Variants in HDAC4 observed in about 807,000 individuals in gnomAD.
HDAC4 encodes histone deacetylase A.
HDAC4 carries 16 observed loss-of-function variants against 135.1 expected under a neutral mutation model. The observed-to-expected ratio is 0.12, with a 90% CI of 0.08 to 0.18. The LOEUF is 0.18. HDAC4 is among the 10% of genes least tolerant of loss of function. The pLI is 1.00. For synonymous variants in HDAC4, 685 were observed against 653.4 expected (o/e 1.05, Z -0.74); for missense variants, 1,143 against 1,511.8 (o/e 0.76, Z 4.05).
At chr2:239,153,001 G>C (rs2042208387) in intron 7 of HDAC4, among the ~76,000 whole-genome samples, 1 of 152,214 alleles carries the variant, frequency 6.6e-6, no homozygotes, top group South Asian at 2.1e-4. Context: ...AGAGGTTCAA[G>C]AGCTTCCCCA....
intron 4 of HDAC4, among the ~76,000 whole-genome samples, chr2:239,179,336 G>A (rs564436195): frequency 6.6e-6 from 1 of 152,178 alleles, no homozygotes; most frequent in African/African-American, 2.4e-5. Flanking sequence ...TTAGGAAATG[G>A]GCCACAAAGC....
intron 24 of HDAC4, among the ~76,000 whole-genome samples, chr2:239,061,797 C>T (rs1366145869): frequency 6.6e-6 from 1 of 152,226 alleles, no homozygotes; most frequent in Non-Finnish European, 1.5e-5. Flanking sequence ...AAACCTTTTC[C>T]ACACGACACC....
chr2:239,151,249 A>G (rs1211356168), intron 7 of HDAC4, among the ~76,000 whole-genome samples: 1 of 152,250 alleles, frequency 6.6e-6, no homozygotes, highest in Admixed American at 6.5e-5. Flanking sequence ...GTGGGACTTG[A>G]CTAATGAAAG....
chr2:239,301,249 C>T (rs1389965273), intron 2 of HDAC4, among the ~76,000 whole-genome samples: 1 of 152,188 alleles, frequency 6.6e-6, no homozygotes, highest in Non-Finnish European at 1.5e-5. Context: ...AGTCGGTCTC[C>T]CATCCCAGCC....
In HDAC4 at chr2:239,368,738, C is replaced by G. The variant is rs372828055; in HGVS notation, c.-219-15820G>C. Among the ~76,000 whole-genome samples the G allele has an allele frequency of 2.6e-5, 4 of 152,266 alleles. No individual in the cohort carries two copies. In the East Asian group the frequency reaches 7.7e-4, roughly 29 times the overall value. ...ACCTGGGCAGGCAGCCCTCCCTGTT[C>G]TGCAGGTGAGGTGCTTATCACTGCT... On this transcript the variant is annotated intron_variant, in intron 1 of 26. Transcript: ENST00000543185.
intron 1 of HDAC4, among the ~76,000 whole-genome samples, chr2:239,369,207 C>T (rs974408181): frequency 1.3e-5 from 2 of 152,228 alleles, no homozygotes; most frequent in Non-Finnish European, 2.9e-5. Flanking sequence ...GACAGCAGCA[C>T]GGCCCATTCC....
chr2:239,052,915 G>A lies in HDAC4; in HGVS notation c.*182C>T, dbSNP rs2031089914. 3 of 691,174 alleles carry A rather than the reference G, an allele frequency of 4.3e-6. No homozygotes were observed. The highest frequency in any genetic ancestry group is 2.7e-5 in the East Asian group (1 of 37,094). The allele number at this position is 691,174 out of a possible 1,614,324, so 42.8% of individuals were successfully genotyped here. ...GAGGCTGCCACGCCCAGGCGTGCAT[G>A]TGCGTCTCGAGACCTGTGGGCCTGG... On this transcript the variant is annotated 3_prime_UTR_variant, in exon 27 of 27. Transcript: ENST00000543185.
At chr2:239,083,204 G>T (rs3791375) in intron 20 of HDAC4, among the ~76,000 whole-genome samples, 3 of 152,112 alleles carry the variant, frequency 2.0e-5, no homozygotes, top group Non-Finnish European at 4.4e-5. Flanking sequence ...CAGGGTCTAC[G>T]CAGCCTGTCT....
At chr2:239,175,573 G>T (rs1229680777) in intron 5 of HDAC4, among the ~76,000 whole-genome samples, 1 of 152,240 alleles carries the variant, frequency 6.6e-6, no homozygotes, top group Admixed American at 6.5e-5. Context: ...GTCTCCAGAT[G>T]TACAAACACA....
chr2:239,373,280 C>T (rs1318546510), intron 1 of HDAC4, among the ~76,000 whole-genome samples: 1 of 152,294 alleles, frequency 6.6e-6, no homozygotes, highest in East Asian at 1.9e-4. Context: ...CCATATTCTG[C>T]CAAGCTAGGT....
At position 239,115,328 on chromosome 2, in the gene HDAC4, C is replaced by T; in HGVS notation, c.1534-18G>A. On this transcript the variant is annotated intron_variant, in intron 12 of 26. Transcript: ENST00000543185. This position sits in a 1 kb window ranked among gnomAD's most constrained non-coding sequence, Gnocchi z 6.3. ...GGGATGATCTGCAAGGCGGAGGTAACACATGAAGCACAGAGAGCTGGGTCC... is the reference window on the plus strand; with the variant it reads ...GGGATGATCTGCAAGGCGGAGGTAATACATGAAGCACAGAGAGCTGGGTCC... 1 of 1,612,934 alleles carries T rather than the reference C, an allele frequency of 6.2e-7. No homozygotes were observed. The highest frequency in any genetic ancestry group is 8.5e-7 in the Non-Finnish European group (1 of 1,179,936).
chr2:239,260,025 G>A (rs922191170), intron 2 of HDAC4, among the ~76,000 whole-genome samples: 7 of 152,338 alleles, frequency 4.6e-5, no homozygotes, highest in South Asian at 2.1e-4. Flanking sequence ...AGATGACACC[G>A]CTCCCTTGCC....
At chr2:239,176,665 C>T in intron 4 of HDAC4, 102 bp from the exon 5 acceptor site, 1 of 1,094,344 alleles carries the variant, frequency 9.1e-7, no homozygotes, top group Non-Finnish European at 1.3e-6. Flanking sequence ...TACACGTCTG[C>T]CCTGGTGTGG....
chr2:239,126,179 A>G (rs181979129), intron 12 of HDAC4, among the ~76,000 whole-genome samples: 3 of 152,254 alleles, frequency 2.0e-5, no homozygotes, highest in African/African-American at 7.2e-5. Context: ...CACTGGTCCA[A>G]CGGAACTCAC....
chr2:239,190,605 C>G (rs969734961), intron 3 of HDAC4, among the ~76,000 whole-genome samples: 1 of 152,156 alleles, frequency 6.6e-6, no homozygotes, highest in Non-Finnish European at 1.5e-5. Context: ...GACAGACGCT[C>G]GAGACCCGGA....
intron 2 of HDAC4, among the ~76,000 whole-genome samples, chr2:239,243,512 G>GA (rs2048309417): frequency 6.6e-6 from 1 of 152,132 alleles, no homozygotes; most frequent in South Asian, 2.1e-4. Flanking sequence ...CAAAAACAAT[G>GA]AAACCGCTGT....
At chr2:239,155,495 C>T (rs2042369030) in intron 7 of HDAC4, 1 of 152,566 alleles carries the variant, frequency 6.6e-6, no homozygotes, top group African/African-American at 2.4e-5. Flanking sequence ...AGGGTCACAG[C>T]TGGACCAATA....
Position 239,342,944 on chromosome 2 carries a change from G to A in HDAC4, c.22+9734C>T, listed in dbSNP as rs1165337189. ...AAATCAGCTGTGCCTAGCTCCCTGA[G>A]AGGCAGAATTTATCTTTTCTATTTG... On this transcript the variant is annotated intron_variant, in intron 2 of 26. Coordinates refer to ENST00000543185, the MANE Select transcript of HDAC4 (RefSeq NM_001378414.1). Among the ~76,000 whole-genome samples the A allele has an allele frequency of 3.3e-5, 5 of 152,228 alleles. No individual in the cohort carries two copies. The East Asian group carries it at 9.6e-4, about 29-fold the overall frequency.
At chr2:239,208,251 C>T (rs1166658714) in intron 3 of HDAC4, among the ~76,000 whole-genome samples, 9 of 140,016 alleles carry the variant, frequency 6.4e-5, no homozygotes, top group Non-Finnish European at 1.4e-4. Flanking sequence ...GGCGTGAACC[C>T]GGGAGGCGGA....
Sources: gnomAD v4.1 joint callset for allele counts (sites outside exome capture counted in the v4.1 genomes callset) on GRCh38, gnomAD v4.1.1 for gene constraint, Gnocchi (gnomAD v3.1) non-coding constraint, MANE v1.5 for transcripts, NCBI Gene and HGNC (gene_info 2026-07-23, HGNC 2026-07-21) for gene names.